ARMH1: variants seen among roughly 807,000 people sequenced by gnomAD.
ARMH1 encodes the protein armadillo-like helical domain containing protein 1.
ARMH1 carries 34 observed loss-of-function variants against 50.2 expected under a neutral mutation model. The ratio of observed to expected loss-of-function variants is 0.68; its 90% CI spans 0.51 to 0.90. ARMH1 has a LOEUF of 0.90. Ranked by LOEUF, ARMH1 falls within the 40% of genes least tolerant of loss-of-function variation. ARMH1 has a pLI of 0.00. For synonymous variants in ARMH1, 221 were observed against 224.2 expected (o/e 0.99, Z 0.13); for missense variants, 538 against 553.9 (o/e 0.97, Z 0.29).
intron 6 of ARMH1, among the ~76,000 whole-genome samples, chr1:44,713,178 A>C (rs992863906): frequency 6.3e-5 from 9 of 143,046 alleles, no homozygotes; most frequent in African/African-American, 2.4e-4. Context: ...GGCTCACTGC[A>C]ACCTACACCT....
intron 6 of ARMH1, among the ~76,000 whole-genome samples, chr1:44,710,005 T>C: frequency 6.6e-6 from 1 of 152,166 alleles, no homozygotes; most frequent in Admixed American, 6.5e-5. Context: ...GATCATTTCA[T>C]ATATTAATAG....
At chr1:44,715,022 A>C (rs777712829) in intron 6 of ARMH1, among the ~76,000 whole-genome samples, 3 of 152,092 alleles carry the variant, frequency 2.0e-5, no homozygotes, top group Non-Finnish European at 4.4e-5. Context: ...TTGAGATTGC[A>C]GGCATGAGCC....
intron 2 of ARMH1, among the ~76,000 whole-genome samples, chr1:44,696,052 G>C (rs1204331808): frequency 6.6e-6 from 1 of 152,156 alleles, no homozygotes; most frequent in Non-Finnish European, 1.5e-5. Flanking sequence ...ACTGAGGAAG[G>C]AACAGGGGCA....
In ARMH1 at chr1:44,724,928, C is replaced by T; in HGVS notation, c.1128+89C>T. The T allele has an allele frequency of 1.3e-6, 2 of 1,503,270 alleles. No individual in the cohort carries two copies. The highest frequency in any genetic ancestry group is 8.9e-7 in the Non-Finnish European group (1 of 1,125,472). 93.1% of individuals were successfully genotyped at this position (1,503,270 alleles called of 1,614,324 possible). A position where few individuals can be genotyped will look rare whatever the true frequency, so the allele number is the denominator to read the frequency against. On this transcript the variant is annotated intron_variant, in intron 10 of 11. Coordinates refer to ENST00000535358, the MANE Select transcript of ARMH1 (RefSeq NM_001145636.2). This position sits in a 1 kb window ranked among gnomAD's most constrained non-coding sequence, Gnocchi z 6.4. ...TTCAGACAGTCCCCATCCTGGAGCG[C>T]GCCACATGCAGAGTGGACCTGGCCA...
chr1:44,695,358 C>G (rs1345646804), intron 2 of ARMH1, among the ~76,000 whole-genome samples: 1 of 152,218 alleles, frequency 6.6e-6, no homozygotes, highest in Non-Finnish European at 1.5e-5. Context: ...GGAGCTGGTA[C>G]TTGTTAGCAA....
In ARMH1 at chr1:44,681,343, G is replaced by T. The variant is rs1297655589; in HGVS notation, c.-23+6470G>T. Among the ~76,000 whole-genome samples the T allele has an allele frequency of 6.6e-6, 1 of 152,044 alleles. No individual in the cohort carries two copies. The highest frequency in any genetic ancestry group is 2.4e-5 in the African/African-American group (1 of 41,410). On this transcript the variant is annotated intron_variant, in intron 1 of 11. Coordinates refer to ENST00000535358, the MANE Select transcript of ARMH1 (RefSeq NM_001145636.2). This position sits in a 1 kb window ranked among gnomAD's most constrained non-coding sequence, Gnocchi z 4.3. ...TTTTTTAAGTTAGCCAGGCATGGTG[G>T]TGCACACCCATAGTCCTAGCTACTC...
intron 1 of ARMH1, among the ~76,000 whole-genome samples, chr1:44,685,041 G>C (rs7512181): frequency 0.033 from 5,045 of 152,046 alleles, 288 homozygotes; most frequent in African/African-American, 0.12. Flanking sequence ...AAACAAACAA[G>C]CTTCCACTGA....
chr1:44,700,895 T>G, intron 4 of ARMH1, 28 bp from the exon 5 acceptor site: 11 of 1,509,800 alleles, frequency 7.3e-6, no homozygotes, highest in Non-Finnish European at 9.8e-6. Flanking sequence ...TCCCTTCCAA[T>G]TTAGCATTTC....
chr1:44,686,926 C>T (rs577410772), intron 1 of ARMH1, among the ~76,000 whole-genome samples: 7 of 147,382 alleles, frequency 4.7e-5, no homozygotes, highest in Admixed American at 1.4e-4. Flanking sequence ...CACTGCAGGC[C>T]GGGCAACATA....
intron 5 of ARMH1, 105 bp downstream of exon 5, chr1:44,701,224 C>A: frequency 9.0e-7 from 1 of 1,114,238 alleles, no homozygotes; most frequent in Non-Finnish European, 1.3e-6. Flanking sequence ...GGAGCTCAGC[C>A]TCCCACTGCA....
intron 6 of ARMH1, among the ~76,000 whole-genome samples, chr1:44,716,508 C>G (rs1040681160): frequency 6.6e-6 from 1 of 152,206 alleles, no homozygotes; most frequent in Non-Finnish European, 1.5e-5. Context: ...AGTTCCAAAG[C>G]TTTTCTTCTC....
At chr1:44,703,351 T>C (rs1646179709) in intron 5 of ARMH1, among the ~76,000 whole-genome samples, 1 of 151,960 alleles carries the variant, frequency 6.6e-6, no homozygotes, top group Admixed American at 6.6e-5. Flanking sequence ...CTGCCCTCCC[T>C]CCCTCTCCCC....
intron 6 of ARMH1, among the ~76,000 whole-genome samples, chr1:44,720,222 T>C (rs1181816871): frequency 2.4e-5 from 3 of 125,134 alleles, no homozygotes; most frequent in Admixed American, 1.6e-4. Flanking sequence ...AAAAAAAAAG[T>C]TGGCCATGGG....
intron 6 of ARMH1, among the ~76,000 whole-genome samples, chr1:44,720,481 G>A (rs1647054123): frequency 1.3e-5 from 2 of 152,188 alleles, no homozygotes; most frequent in Admixed American, 6.5e-5. Flanking sequence ...TTGTGTACAT[G>A]GAATGGTTTC....
At position 44,682,468 on chromosome 1, in the gene ARMH1, AGCATGGGTTGAG is replaced by A. The variant is rs1645343674; in HGVS notation, c.-22-7204_-22-7193del. On this transcript the variant is annotated intron_variant, in intron 1 of 11. Coordinates refer to ENST00000535358, the MANE Select transcript of ARMH1 (RefSeq NM_001145636.2). The surrounding 1 kb of genome is among the most constrained non-coding windows in gnomAD (Gnocchi z 4.5). ...CCCTTCCTGATTTAGAAGCAGCAGCAGCATGGGTTGAGGCAAGGGGTGGGGTGGGGTGTCAGG... is the reference window on the plus strand; with the variant it reads ...CCCTTCCTGATTTAGAAGCAGCAGCAGCAAGGGGTGGGGTGGGGTGTCAGG... Among the ~76,000 whole-genome samples, 1 of 152,194 alleles carries A rather than the reference AGCATGGGTTGAG, an allele frequency of 6.6e-6. No individual in the cohort carries two copies. The highest frequency in any genetic ancestry group is 1.9e-4 in the East Asian group (1 of 5,196).
intron 1 of ARMH1, among the ~76,000 whole-genome samples, chr1:44,685,541 GC>G (rs1328006632): frequency 6.6e-6 from 1 of 151,998 alleles, no homozygotes; most frequent in Non-Finnish European, 1.5e-5. Flanking sequence ...AAACTCCTGG[GC>G]TCAAGTGATC....
At chr1:44,721,679 CGACCACACCACTCCGCTACAACCTGGGT>C (rs1647167509) in intron 6 of ARMH1, 1 of 152,018 alleles carries the variant, frequency 6.6e-6, no homozygotes, top group African/African-American at 2.4e-5. Context: ...TAGTGAGCCG[CGACCACACCACTCCGCTACAACCTGGGT>C]GACATTTGTG....
chr1:44,685,946 C>T (rs1012939834), intron 1 of ARMH1, among the ~76,000 whole-genome samples: 2 of 152,132 alleles, frequency 1.3e-5, no homozygotes, highest in Admixed American at 6.5e-5. Flanking sequence ...ATTTCTAACG[C>T]GGAGTTATAT....
chr1:44,710,961 G>C (rs141958608), intron 6 of ARMH1, among the ~76,000 whole-genome samples: 5 of 152,298 alleles, frequency 3.3e-5, no homozygotes, highest in African/African-American at 1.2e-4. Flanking sequence ...TGACTTTTAT[G>C]TCTGGCTTCT....
Sources: allele counts gnomAD v4.1 joint callset (sites outside exome capture counted in the v4.1 genomes callset), GRCh38; gene constraint gnomAD v4.1.1; non-coding constraint Gnocchi (gnomAD v3.1); transcripts MANE v1.5; gene names NCBI Gene and HGNC (gene_info 2026-07-23, HGNC 2026-07-21).